Variants in DPP6 observed in about 807,000 individuals in gnomAD.
The protein encoded by DPP6 is A-type potassium channel modulatory protein DPP6.
Under a neutral mutation model 122.6 loss-of-function variants are expected in DPP6, and 69 were observed. The ratio of observed to expected loss-of-function variants is 0.56; its 90% CI spans 0.46 to 0.69. DPP6 has a LOEUF of 0.69. Among genes scored for constraint, DPP6 ranks in the 30% least tolerant of loss-of-function variants. The pLI is 0.00. For missense variants in DPP6, 928 were observed against 1,116.9 expected (o/e 0.83, Z 2.41); for synonymous variants, 418 against 433.1 (o/e 0.97, Z 0.43).
intron 5 of DPP6, among the ~76,000 whole-genome samples, chr7:154,617,916 T>G (rs1834370878): frequency 6.6e-6 from 1 of 152,132 alleles, no homozygotes; most frequent in Middle Eastern, 3.4e-3. Context: ...GAAAGAAAAC[T>G]TGACCCAGAG....
chr7:153,818,800 G>A, the DPP6 span, among the ~76,000 whole-genome samples: 2 of 152,032 alleles, frequency 1.3e-5, no homozygotes, highest in East Asian at 3.9e-4. Flanking sequence ...CGCCCAGGCT[G>A]GAGTCCAGTG....
At chr7:154,453,030 T>C (rs965926324) in intron 2 of DPP6, among the ~76,000 whole-genome samples, 5 of 152,206 alleles carry the variant, frequency 3.3e-5, no homozygotes, top group African/African-American at 1.2e-4. Context: ...TATGTATCTG[T>C]CTACAATAGG....
chr7:154,879,488 G>A (rs1805175942), intron 20 of DPP6, among the ~76,000 whole-genome samples: 1 of 134,290 alleles, frequency 7.4e-6, no homozygotes, highest in Non-Finnish European at 1.5e-5. Context: ...TACTCGGGAG[G>A]CTGAGGCAGG....
In DPP6 at chr7:154,067,658, G is replaced by T. The variant is rs567792611; in HGVS notation, c.243+14595G>T. 2.0e-3 allele frequency among the ~76,000 whole-genome samples: 299 copies of T among 152,236 alleles called. 1 individual carries two copies. Among genetic ancestry groups the T allele is most frequent in the African/African-American group, 6.9e-3 (288 of 41,568 alleles). On this transcript the variant is annotated intron_variant, in intron 1 of 25. Coordinates refer to ENST00000377770, the MANE Select transcript of DPP6 (RefSeq NM_130797.4). ...TCATTTGAAAATTGGAAGCAGACAC[G>T]TGAGATTTCTGTTTTTCTGCTTCCA...
the DPP6 span, among the ~76,000 whole-genome samples, chr7:153,782,801 C>T: frequency 3.3e-5 from 5 of 152,136 alleles, no homozygotes; most frequent in Admixed American, 2.0e-4. Context: ...TGCATCTCTC[C>T]GCTCTGTGTT....
chr7:154,219,277 G>C (rs1164331048), intron 1 of DPP6, among the ~76,000 whole-genome samples: 1 of 152,196 alleles, frequency 6.6e-6, no homozygotes, highest in Non-Finnish European at 1.5e-5. Flanking sequence ...CATCTCCAAG[G>C]ATAAGATTCC....
At chr7:154,285,503 G>C (rs572236421) in intron 1 of DPP6, among the ~76,000 whole-genome samples, 1 of 152,308 alleles carries the variant, frequency 6.6e-6, no homozygotes, top group South Asian at 2.1e-4. Context: ...GACTTCAGGT[G>C]ATCTGCCCAC....
intron 1 of DPP6, among the ~76,000 whole-genome samples, chr7:154,436,466 C>T (rs141556924): frequency 6.6e-6 from 1 of 152,072 alleles, no homozygotes; most frequent in Non-Finnish European, 1.5e-5. Flanking sequence ...GCCCACTGCC[C>T]CACCTCACAG....
At chr7:154,643,039 T>G (rs1836209154) in intron 6 of DPP6, among the ~76,000 whole-genome samples, 1 of 152,240 alleles carries the variant, frequency 6.6e-6, no homozygotes, top group Non-Finnish European at 1.5e-5. Flanking sequence ...AGACTTTAGT[T>G]TCTAGCCATC....
Position 154,483,401 on chromosome 7 carries a change from T to TTTTTTA in DPP6, c.457+8364_457+8365insTTTTTA, listed in dbSNP as rs61038137. ...AGGCACAATACAATTTTTTTTTTTTTAAAAGCATTTATTTGAGCAAACAGT... is the reference window on the plus strand; with the variant it reads ...AGGCACAATACAATTTTTTTTTTTTTTTTTTAAAAAGCATTTATTTGAGCAAACAGT... On this transcript the variant is annotated intron_variant, in intron 3 of 25. Transcript: ENST00000377770. The surrounding 1 kb of genome is among the most constrained non-coding windows in gnomAD (Gnocchi z 8.1). Among the ~76,000 whole-genome samples, 74 of 151,362 alleles carry TTTTTTA rather than the reference T, an allele frequency of 4.9e-4. No homozygotes were observed. Among genetic ancestry groups the TTTTTTA allele is most frequent in the African/African-American group, 1.7e-3 (72 of 41,250 alleles).
At chr7:154,321,616 T>C (rs1807961866) in intron 1 of DPP6, among the ~76,000 whole-genome samples, 1 of 151,580 alleles carries the variant, frequency 6.6e-6, no homozygotes, top group African/African-American at 2.4e-5. Flanking sequence ...ACCCCGTCTC[T>C]ACTAAAAATA....
At chr7:154,414,156 C>T (rs1179980845) in intron 1 of DPP6, among the ~76,000 whole-genome samples, 1 of 152,148 alleles carries the variant, frequency 6.6e-6, no homozygotes, top group East Asian at 1.9e-4. Context: ...GCCATCATTA[C>T]GGGAATATTG....
chr7:153,886,411 C>G (rs1381543514), upstream of DPP6, among the ~76,000 whole-genome samples: 1 of 151,772 alleles, frequency 6.6e-6, no homozygotes, highest in Non-Finnish European at 1.5e-5. Flanking sequence ...GGGATTTGGC[C>G]CCGGCCAGTG....
At position 154,804,924 on chromosome 7, in the gene DPP6, C is replaced by T. The variant is rs1798599639; in HGVS notation, c.1507C>T (p.Leu503=). Residue 503 remains leucine, a synonymous_variant, in exon 15 of 26, where the codon CTG becomes TTG. Coordinates refer to ENST00000377770, the MANE Select transcript of DPP6 (RefSeq NM_130797.4). ...CCTTGGTGATCTTTGCAGCTACTTC[C>T]TGAGCACGGAGGACCTGCCTCGGAG... ...YDEKGNKIYF[L]STEDLPRRRQ... The T allele has an allele frequency of 6.2e-7, 1 of 1,602,444 alleles. No homozygotes were observed. Among genetic ancestry groups the T allele is most frequent in the Non-Finnish European group, 8.5e-7 (1 of 1,174,284 alleles).
At chr7:154,494,863 A>G (rs959711724) in intron 3 of DPP6, among the ~76,000 whole-genome samples, 6 of 152,218 alleles carry the variant, frequency 3.9e-5, no homozygotes, top group African/African-American at 1.4e-4. Context: ...GTCCTCAGGT[A>G]CTTGCAGATT....
chr7:154,766,298 TCG>T (rs1795895105), intron 8 of DPP6, among the ~76,000 whole-genome samples: 1 of 152,088 alleles, frequency 6.6e-6, no homozygotes, highest in South Asian at 2.1e-4. Context: ...GACCCAATGG[TCG>T]CTAAGTTCCC....
At chr7:153,999,916 C>T (rs1797609643) in intron 1 of DPP6, among the ~76,000 whole-genome samples, 1 of 151,720 alleles carries the variant, frequency 6.6e-6, no homozygotes, top group Admixed American at 6.6e-5. Flanking sequence ...GCCAAGATCG[C>T]ACCACTGCAC....
At chr7:154,785,760 G>A (rs543171741) in intron 10 of DPP6, among the ~76,000 whole-genome samples, 3 of 152,144 alleles carry the variant, frequency 2.0e-5, no homozygotes, top group Admixed American at 6.5e-5. Context: ...TCAATAAATA[G>A]CATTTACTTT....
intron 1 of DPP6, among the ~76,000 whole-genome samples, chr7:154,213,195 G>C (rs1295841725): frequency 1.3e-5 from 2 of 152,178 alleles, no homozygotes; most frequent in Non-Finnish European, 2.9e-5. Flanking sequence ...CAGACCTGCA[G>C]CTTCAAAAAA....
Sources: allele counts gnomAD v4.1 joint callset (sites outside exome capture counted in the v4.1 genomes callset), GRCh38; gene constraint gnomAD v4.1.1; non-coding constraint Gnocchi (gnomAD v3.1); transcripts MANE v1.5; gene names NCBI Gene and HGNC (gene_info 2026-07-23, HGNC 2026-07-21).